Variants in ACOXL observed in about 807,000 individuals in gnomAD.
ACOXL encodes the protein acyl-coenzyme A oxidase-like protein.
A neutral mutation model predicts 71.9 loss-of-function variants in ACOXL; 70 were observed. That is an observed-to-expected ratio of 0.97 (90% CI 0.80 to 1.19). The LOEUF is 1.19. Ranked by LOEUF, ACOXL falls within the 50% of genes most tolerant of loss-of-function variation. The probability of loss-of-function intolerance (pLI) is 0.00; values close to 1 mark genes in which losing one functional copy is unlikely to be tolerated. For synonymous variants in ACOXL, 253 were observed against 281.6 expected, an observed-to-expected ratio of 0.90 and a Z score of 1.02; for missense variants, 703 against 736.3, an observed-to-expected ratio of 0.95 and a Z score of 0.52.
chr2:110,797,344 C>T (rs79407527), intron 5 of ACOXL, among the ~76,000 whole-genome samples: 1,688 of 152,268 alleles, frequency 0.011, 27 homozygotes, highest in African/African-American at 0.039. Context: ...AAGATTTTTC[C>T]CTCCTAAGAA....
At chr2:110,872,254 T>G (rs1331540854) in intron 10 of ACOXL, among the ~76,000 whole-genome samples, 2 of 152,192 alleles carry the variant, frequency 1.3e-5, no homozygotes, top group African/African-American at 2.4e-5. Flanking sequence ...TAGGATCATT[T>G]GTTCTGCCTT....
chr2:110,872,542 C>T lies in ACOXL; in HGVS notation c.788+31137C>T, dbSNP rs540191990. On this transcript the variant is annotated intron_variant, in intron 10 of 17. Coordinates refer to ENST00000439055, the MANE Select transcript of ACOXL (RefSeq NM_001142807.4). ...GACCATTCTTGCTGGCTTTAGGTCA[C>T]GTTGATGGGAGAGTAGCCTCTCCCA... Among the ~76,000 whole-genome samples, 23 of 152,314 alleles carry T rather than the reference C, an allele frequency of 1.5e-4. No individual in the cohort carries two copies. The South Asian group carries it at 4.1e-3, about 27-fold the overall frequency.
chr2:111,053,714 G>A (rs1238120951), intron 16 of ACOXL, among the ~76,000 whole-genome samples: 3 of 152,176 alleles, frequency 2.0e-5, no homozygotes, highest in African/African-American at 7.2e-5. Context: ...TCCTCATTTT[G>A]TTCTTGCACA....
intron 16 of ACOXL, among the ~76,000 whole-genome samples, chr2:111,055,346 T>A (rs2066483650): frequency 6.6e-6 from 1 of 152,246 alleles, no homozygotes. Context: ...TTTCCCTCTT[T>A]CCTGCATTCT....
intron 11 of ACOXL, among the ~76,000 whole-genome samples, chr2:110,914,209 G>T (rs145822380): frequency 6.6e-6 from 1 of 152,224 alleles, no homozygotes; most frequent in African/African-American, 2.4e-5. Context: ...AAGAAATCAG[G>T]TTATGTGAGT....
At chr2:110,842,103 C>G (rs80352632) in intron 10 of ACOXL, among the ~76,000 whole-genome samples, 3 of 152,160 alleles carry the variant, frequency 2.0e-5, no homozygotes, top group African/African-American at 4.8e-5. Flanking sequence ...CAGCTGCCCA[C>G]AGACAACCTA....
chr2:111,093,733 A>C (rs376071653), intron 17 of ACOXL: 1 of 491,808 alleles, frequency 2.0e-6, no homozygotes, highest in African/African-American at 2.0e-5. Flanking sequence ...GCGTGGTGGC[A>C]TGTGGCTGTA....
At chr2:110,968,306 A>C in intron 12 of ACOXL, 1 of 1,206,622 alleles carries the variant, frequency 8.3e-7, no homozygotes, top group Admixed American at 1.7e-5. Context: ...ACTGGCAATA[A>C]ATTTTTTGGC....
At chr2:110,948,047 G>A (rs1232677746) in intron 12 of ACOXL, among the ~76,000 whole-genome samples, 5 of 152,170 alleles carry the variant, frequency 3.3e-5, no homozygotes, top group East Asian at 1.9e-4. Context: ...TCTCATCTCT[G>A]CCCCCAGCTG....
intron 10 of ACOXL, among the ~76,000 whole-genome samples, chr2:110,876,123 G>C (rs1393162460): frequency 2.0e-5 from 3 of 152,176 alleles, no homozygotes; most frequent in Non-Finnish European, 4.4e-5. Context: ...CAGAAGGCTT[G>C]GACGCATCCT....
chr2:111,030,161 A>C (rs1160503911), intron 14 of ACOXL, among the ~76,000 whole-genome samples: 1 of 152,070 alleles, frequency 6.6e-6, no homozygotes, highest in African/African-American at 2.4e-5. Context: ...CATGATTAGG[A>C]GGTTAAACCA....
rs544631278 is a variant in ACOXL, at chr2:110,734,729, C to T, written c.-23+1955C>T. 9.2e-5 allele frequency among the ~76,000 whole-genome samples: 14 copies of T among 152,088 alleles called. No homozygotes were observed. In the South Asian group the frequency reaches 2.1e-3, roughly 23 times the overall value. On this transcript the variant is annotated intron_variant, in intron 1 of 17. Transcript: ENST00000439055. ...GTTTAGATAACTGCAGTTTAAAAGA[C>T]GGAACAAAATTGTAATAACCAAACT...
At chr2:110,818,523 GTA>G (rs10606341) in intron 9 of ACOXL, among the ~76,000 whole-genome samples, 145,153 of 149,016 alleles carry the variant, frequency 0.97, 70,827 homozygotes, top group Middle Eastern at 1. Context: ...GTGTATGTGT[GTA>G]TATATATATG....
At chr2:111,116,943 AG>A (rs1405018637) in intron 17 of ACOXL, among the ~76,000 whole-genome samples, 9 of 152,210 alleles carry the variant, frequency 5.9e-5, no homozygotes, top group Admixed American at 2.6e-4. Context: ...CCTGCCTTCC[AG>A]TGGCTGCCAG....
At chr2:110,816,160 C>A (rs1185687372) in intron 9 of ACOXL, among the ~76,000 whole-genome samples, 1 of 147,424 alleles carries the variant, frequency 6.8e-6, no homozygotes, top group Non-Finnish European at 1.5e-5. Flanking sequence ...TAAATGGATG[C>A]ATGGATGGAC....
Position 111,023,848 on chromosome 2 carries a change from G to A in ACOXL, c.1282-7779G>A, listed in dbSNP as rs10200711. On this transcript the variant is annotated intron_variant, in intron 14 of 17. Coordinates refer to ENST00000439055, the MANE Select transcript of ACOXL (RefSeq NM_001142807.4). ...GGAGAAGACCAAGGACACCCAGACC[G>A]AGGAGGGACACTCCTAGGCTGCGAT... Among the ~76,000 whole-genome samples, 1,291 of 152,214 alleles carry A rather than the reference G, an allele frequency of 8.5e-3. 15 individuals are homozygous for A. Among genetic ancestry groups the A allele is most frequent in the African/African-American group, 0.029 (1,195 of 41,530 alleles).
chr2:111,030,864 C>G (rs2065234335), intron 14 of ACOXL, among the ~76,000 whole-genome samples: 1 of 152,158 alleles, frequency 6.6e-6, no homozygotes, highest in Admixed American at 6.5e-5. Context: ...AATCTGAGAC[C>G]TTCAGCTCCT....
intron 10 of ACOXL, among the ~76,000 whole-genome samples, chr2:110,871,237 G>A (rs1055520463): frequency 9.2e-5 from 14 of 152,098 alleles, no homozygotes; most frequent in Non-Finnish European, 1.5e-4. Context: ...TGGGGATCTG[G>A]CTTTGTTTAG....
chr2:110,963,793 T>A, intron 12 of ACOXL: 1 of 1,567,074 alleles, frequency 6.4e-7, no homozygotes, highest in Non-Finnish European at 8.7e-7. Context: ...TTTATCTGAT[T>A]GCCTTCTTTA....
Sources: gnomAD v4.1 joint callset for allele counts (sites outside exome capture counted in the v4.1 genomes callset) on GRCh38, gnomAD v4.1.1 for gene constraint, MANE v1.5 for transcripts, NCBI Gene and HGNC (gene_info 2026-07-23, HGNC 2026-07-21) for gene names.